Variants in MLIP observed in about 807,000 individuals in gnomAD.
MLIP encodes the protein muscular LMNA-interacting protein.
Under a neutral mutation model 84.8 loss-of-function variants are expected in MLIP, and 79 were observed. That is an observed-to-expected ratio of 0.93 (90% confidence interval 0.78 to 1.12). The LOEUF (loss-of-function observed/expected upper bound fraction) is 1.12. Ranked by LOEUF, MLIP falls within the 50% of genes most tolerant of loss-of-function variation. The probability of loss-of-function intolerance (pLI) is 0.00; values close to 1 mark genes in which losing one functional copy is unlikely to be tolerated. For synonymous variants in MLIP, 504 were observed against 463.0 expected (o/e 1.09, Z -1.14); for missense variants, 1,257 against 1,160.6 (o/e 1.08, Z -1.21).
chr6:54,124,043 T>A (rs1770693380), intron 2 of MLIP, among the ~76,000 whole-genome samples: 1 of 152,238 alleles, frequency 6.6e-6, no homozygotes, highest in African/African-American at 2.4e-5. Context: ...AGAGAGATTT[T>A]GTATTATTTT....
At chr6:54,139,270 C>T (rs1772093013) in intron 4 of MLIP, among the ~76,000 whole-genome samples, 1 of 151,936 alleles carries the variant, frequency 6.6e-6, no homozygotes, top group Non-Finnish European at 1.5e-5. Context: ...GCTAGAAAAC[C>T]AATATAAGGC....
rs912625344 is a variant in MLIP at position 54,081,554 on chromosome 6, G to T, written c.64-39893G>T. Reference sequence around the variant, plus strand: ...TCCCGAAGTAGCTGGGATTACAGGCGCCCGCCACCATGCCCAGCTAAATTT... The same window carrying T: ...TCCCGAAGTAGCTGGGATTACAGGCTCCCGCCACCATGCCCAGCTAAATTT... On this transcript the variant is annotated intron_variant, in intron 1 of 12. Transcript: ENST00000274897. Among the ~76,000 whole-genome samples, 11 of 151,988 alleles carry T rather than the reference G, an allele frequency of 7.2e-5. 1 individual carries two copies. The highest frequency in any genetic ancestry group is 2.0e-4 in the Admixed American group (3 of 15,254).
intron 1 of MLIP, 53 bp from the exon 2 acceptor site, chr6:54,121,394 G>A: frequency 1.9e-6 from 3 of 1,572,424 alleles, no homozygotes; most frequent in Non-Finnish European, 2.6e-6. Flanking sequence ...GAGAATAAAG[G>A]CAAGATAAAC....
intron 12 of MLIP, among the ~76,000 whole-genome samples, chr6:54,231,309 T>C (rs1780983256): frequency 6.6e-6 from 1 of 152,208 alleles, no homozygotes; most frequent in African/African-American, 2.4e-5. Context: ...GAGGCACTTA[T>C]AATTAGAGTC....
At chr6:54,198,145 T>G (rs893758569) in intron 10 of MLIP, among the ~76,000 whole-genome samples, 1 of 152,124 alleles carries the variant, frequency 6.6e-6, no homozygotes, top group African/African-American at 2.4e-5. Flanking sequence ...TCTTTCAACT[T>G]TTAATGTGTA....
At chr6:54,114,453 G>T (rs1251475763) in intron 1 of MLIP, among the ~76,000 whole-genome samples, 1 of 152,030 alleles carries the variant, frequency 6.6e-6, no homozygotes, top group Non-Finnish European at 1.5e-5. Context: ...TTCAAAATTT[G>T]TCTACCCATC....
chr6:54,183,215 A>T (rs960695500), intron 9 of MLIP, among the ~76,000 whole-genome samples: 6 of 152,224 alleles, frequency 3.9e-5, no homozygotes, highest in Non-Finnish European at 7.3e-5. Flanking sequence ...ATGCAGTCAT[A>T]GATCTTAGGA....
chr6:54,154,830 A>T (rs990697385), intron 5 of MLIP, among the ~76,000 whole-genome samples: 1 of 152,158 alleles, frequency 6.6e-6, no homozygotes, highest in Non-Finnish European at 1.5e-5. Context: ...AGAGTGATGG[A>T]TTACAAACCA....
chr6:54,073,769 C>G (rs1051675623), intron 1 of MLIP, among the ~76,000 whole-genome samples: 1 of 152,180 alleles, frequency 6.6e-6, no homozygotes, highest in African/African-American at 2.4e-5. Flanking sequence ...TACTATGAAT[C>G]TTTGCAATTC....
intron 10 of MLIP, among the ~76,000 whole-genome samples, chr6:54,191,126 T>C: frequency 6.6e-6 from 1 of 152,096 alleles, no homozygotes; most frequent in South Asian, 2.1e-4. Context: ...GGCTATTTAT[T>C]GTCTAAAATT....
chr6:54,188,066 A>G (rs1025994950), intron 9 of MLIP, among the ~76,000 whole-genome samples: 1 of 152,226 alleles, frequency 6.6e-6, no homozygotes, highest in African/African-American at 2.4e-5. Flanking sequence ...GTATTTATGT[A>G]TCTAAACATA....
intron 1 of MLIP, among the ~76,000 whole-genome samples, chr6:54,058,666 G>A (rs1432424024): frequency 6.6e-6 from 1 of 152,166 alleles, no homozygotes; most frequent in Non-Finnish European, 1.5e-5. Context: ...TTTCATATAA[G>A]CACCAAATAA....
intron 1 of MLIP, among the ~76,000 whole-genome samples, chr6:54,086,677 G>C (rs1446297069): frequency 6.6e-6 from 1 of 152,082 alleles, no homozygotes; most frequent in Non-Finnish European, 1.5e-5. Context: ...CATCCCTTCT[G>C]GCTCTTCCCC....
intron 1 of MLIP, among the ~76,000 whole-genome samples, chr6:54,048,680 G>T (rs1462004385): frequency 6.6e-6 from 1 of 152,116 alleles, no homozygotes; most frequent in Admixed American, 6.6e-5. Flanking sequence ...GAGCAGAGTG[G>T]TTCCATAGGG....
chr6:54,253,483 A>C (rs1453065660), intron 12 of MLIP, among the ~76,000 whole-genome samples: 1 of 152,158 alleles, frequency 6.6e-6, no homozygotes, highest in Non-Finnish European at 1.5e-5. Context: ...AGTCCAGAAA[A>C]CATACTTTAT....
chr6:54,062,741 G>A (rs563644766), intron 1 of MLIP, among the ~76,000 whole-genome samples: 1 of 152,210 alleles, frequency 6.6e-6, no homozygotes, highest in Admixed American at 6.5e-5. Flanking sequence ...TAAAATAAAG[G>A]AAATTATCCA....
chr6:54,085,248 T>C (rs1448298733), intron 1 of MLIP, among the ~76,000 whole-genome samples: 2 of 152,170 alleles, frequency 1.3e-5, no homozygotes, highest in Non-Finnish European at 2.9e-5. Context: ...CTGAGAGGCA[T>C]TGAGAAACAT....
At chr6:54,074,675 A>G (rs1439351122) in intron 1 of MLIP, among the ~76,000 whole-genome samples, 1 of 152,204 alleles carries the variant, frequency 6.6e-6, no homozygotes, top group East Asian at 1.9e-4. Context: ...GTGGCATCCA[A>G]AAAATGAGGC....
intron 1 of MLIP, among the ~76,000 whole-genome samples, chr6:54,100,528 A>G (rs984029450): frequency 1.3e-5 from 2 of 152,098 alleles, no homozygotes; most frequent in Non-Finnish European, 2.9e-5. Flanking sequence ...TTTCTGTCCT[A>G]GAAAGCTTTC....
Sources: allele counts gnomAD v4.1 joint callset (sites outside exome capture counted in the v4.1 genomes callset), GRCh38; gene constraint gnomAD v4.1.1; transcripts MANE v1.5; gene names NCBI Gene and HGNC (gene_info 2026-07-23, HGNC 2026-07-21).